KAZN: variants seen among roughly 807,000 people sequenced by gnomAD.
KAZN encodes the protein kazrin, periplakin interacting protein, also known as kazrin.
A neutral mutation model predicts 87.4 loss-of-function variants in KAZN; 40 were observed. The ratio of observed to expected loss-of-function variants is 0.46; its 90% CI spans 0.36 to 0.60. The LOEUF (loss-of-function observed/expected upper bound fraction) is 0.60, where lower values mean the gene tolerates loss of function less well. Among genes scored for constraint, KAZN ranks in the 20% least tolerant of loss-of-function variants. The pLI, the probability that KAZN is intolerant of heterozygous loss-of-function variation, is 0.00. For synonymous variants in KAZN, 466 were observed against 458.3 expected (o/e 1.02, Z -0.22); for missense variants, 898 against 1,073.9 (o/e 0.84, Z 2.29).
At chr1:14,228,658 T>C (rs1215249000) in intron 2 of KAZN, among the ~76,000 whole-genome samples, 4 of 152,218 alleles carry the variant, frequency 2.6e-5, no homozygotes, top group South Asian at 2.1e-4. Context: ...TGGGAGAAGA[T>C]GGCTGAATCT....
chr1:14,555,638 G>A (rs1673817484), intron 2 of KAZN, among the ~76,000 whole-genome samples: 1 of 152,108 alleles, frequency 6.6e-6, no homozygotes, highest in Non-Finnish European at 1.5e-5. Context: ...AGATCCCCAG[G>A]CATTTTAGAG....
At chr1:14,388,191 C>A (rs972624831) in intron 2 of KAZN, among the ~76,000 whole-genome samples, 1 of 152,106 alleles carries the variant, frequency 6.6e-6, no homozygotes, top group Admixed American at 6.5e-5. Flanking sequence ...GGTGCGAGCA[C>A]CCCCTGACCT....
intron 1 of KAZN, among the ~76,000 whole-genome samples, chr1:14,667,245 G>A (rs1195203530): frequency 6.6e-6 from 1 of 152,154 alleles, no homozygotes; most frequent in Non-Finnish European, 1.5e-5. Flanking sequence ...ACGGAGCCCT[G>A]GCTGTCCATG....
chr1:14,691,653 C>T (rs1296359848), intron 1 of KAZN, among the ~76,000 whole-genome samples: 1 of 151,976 alleles, frequency 6.6e-6, no homozygotes, highest in Non-Finnish European at 1.5e-5. Flanking sequence ...CGCCCAGCTA[C>T]TTTTTATATT....
intron 2 of KAZN, among the ~76,000 whole-genome samples, chr1:14,185,703 C>T (rs1646289793): frequency 6.6e-6 from 1 of 152,164 alleles, no homozygotes; most frequent in African/African-American, 2.4e-5. Context: ...CAGGCATTGC[C>T]AGGCTTAGAT....
chr1:14,849,796 T>G (rs1649215725), intron 1 of KAZN, among the ~76,000 whole-genome samples: 1 of 152,228 alleles, frequency 6.6e-6, no homozygotes, highest in Non-Finnish European at 1.5e-5. Context: ...ATTCATCCAT[T>G]GTTTCCATAG....
At chr1:14,897,624 CAAA>C (rs35986209) in intron 1 of KAZN, among the ~76,000 whole-genome samples, 2 of 150,748 alleles carry the variant, frequency 1.3e-5, no homozygotes, top group Non-Finnish European at 3.0e-5. Flanking sequence ...CTTTCCAAAG[CAAA>C]AAAAAAATAG....
chr1:14,234,251 G>T (rs1467341416), intron 2 of KAZN, among the ~76,000 whole-genome samples: 1 of 152,142 alleles, frequency 6.6e-6, no homozygotes, highest in Non-Finnish European at 1.5e-5. Flanking sequence ...CATGTTCTTT[G>T]CAGGGACATG....
chr1:14,520,744 A>G (rs1671542716), intron 2 of KAZN, among the ~76,000 whole-genome samples: 1 of 152,216 alleles, frequency 6.6e-6, no homozygotes, highest in Non-Finnish European at 1.5e-5. Context: ...ATAGCCTGTG[A>G]TCATCCTCCC....
intron 2 of KAZN, among the ~76,000 whole-genome samples, chr1:15,011,600 T>TAA (rs1222455045): frequency 6.6e-6 from 1 of 152,216 alleles, no homozygotes; most frequent in Non-Finnish European, 1.5e-5. Context: ...TGATTACTGC[T>TAA]AAAGACTTGA....
chr1:13,967,411 C>T (rs1173835951), intron 1 of KAZN, among the ~76,000 whole-genome samples: 1 of 152,216 alleles, frequency 6.6e-6, no homozygotes, highest in Admixed American at 6.5e-5. Flanking sequence ...TCCCCAAGTG[C>T]ACCCAATAAT....
chr1:13,903,899 G>A (rs188872303), intron 1 of KAZN, among the ~76,000 whole-genome samples: 239 of 152,256 alleles, frequency 1.6e-3, no homozygotes, highest in Middle Eastern at 3.4e-3. Context: ...GAATGTATGT[G>A]GTGGGTCCCT....
intron 2 of KAZN, among the ~76,000 whole-genome samples, chr1:14,219,277 T>G (rs1271389130): frequency 6.6e-6 from 1 of 152,050 alleles, no homozygotes; most frequent in African/African-American, 2.4e-5. Flanking sequence ...TTTGAGGGTG[T>G]AGGGAAGGGA....
At chr1:14,669,260 G>T (rs929518441) in intron 1 of KAZN, among the ~76,000 whole-genome samples, 3 of 152,136 alleles carry the variant, frequency 2.0e-5, no homozygotes, top group African/African-American at 2.4e-5. Context: ...GGGCTCTGGA[G>T]CTTTCCTGTG....
At chr1:14,028,182 T>A (rs1280258934) in intron 1 of KAZN, among the ~76,000 whole-genome samples, 1 of 121,440 alleles carries the variant, frequency 8.2e-6, no homozygotes. Flanking sequence ...AGCTCTTTAT[T>A]TATGGTAAAA....
At chr1:14,398,326 G>T (rs549228976) in intron 2 of KAZN, among the ~76,000 whole-genome samples, 1 of 152,276 alleles carries the variant, frequency 6.6e-6, no homozygotes, top group East Asian at 1.9e-4. Flanking sequence ...TTTGAATCCT[G>T]GCTCCGCCAC....
intron 2 of KAZN, among the ~76,000 whole-genome samples, chr1:14,218,767 T>C (rs1170476260): frequency 2.6e-5 from 4 of 152,138 alleles, no homozygotes; most frequent in Non-Finnish European, 5.9e-5. Flanking sequence ...TATATGAGTT[T>C]CATCCCTGAT....
intron 1 of KAZN, among the ~76,000 whole-genome samples, chr1:14,888,798 A>T (rs1435376965): frequency 2.6e-5 from 4 of 152,132 alleles, no homozygotes; most frequent in Non-Finnish European, 5.9e-5. Context: ...GTGCAGCTCA[A>T]TGGTGGCTCT....
At chr1:15,071,688 G>T (rs1024636185) in intron 8 of KAZN, among the ~76,000 whole-genome samples, 17 of 152,182 alleles carry the variant, frequency 1.1e-4, no homozygotes, top group African/African-American at 3.4e-4. Flanking sequence ...ATCCCAACAG[G>T]ATTGATCCAA....
Sources: allele counts gnomAD v4.1 joint callset (sites outside exome capture counted in the v4.1 genomes callset), GRCh38; gene constraint gnomAD v4.1.1; transcripts MANE v1.5; gene names NCBI Gene and HGNC (gene_info 2026-07-23, HGNC 2026-07-21).